DHRSX: variants seen among roughly 807,000 people sequenced by gnomAD.
The protein encoded by DHRSX is polyprenol dehydrogenase.
In DHRSX, 31 loss-of-function variants were observed where a neutral mutation model predicts 34.0. That is an observed-to-expected ratio of 0.91 (90% CI 0.69 to 1.23). The LOEUF is 1.23. Among genes scored for constraint, DHRSX ranks in the 50% most tolerant of loss-of-function variants. DHRSX has a pLI of 0.00. For missense variants in DHRSX, 414 were observed against 428.1 expected, an observed-to-expected ratio of 0.97 and a Z score of 0.29; for synonymous variants, 201 against 183.8, an observed-to-expected ratio of 1.09 and a Z score of -0.76.
intron 3 of DHRSX, 83 bp downstream of exon 3, chrX:2,408,662 G>T: frequency 8.0e-7 from 1 of 1,252,636 alleles, no homozygotes; most frequent in Non-Finnish European, 1.1e-6. Context: ...GCACGTGACT[G>T]AAGCTCAGCC....
At chrX:2,254,490 A>C (rs2041248630) in intron 5 of DHRSX, among the ~76,000 whole-genome samples, 1 of 152,174 alleles carries the variant, frequency 6.6e-6, no homozygotes, top group Admixed American at 6.5e-5. Flanking sequence ...TCATGTCTAA[A>C]TTGAATTTTC....
chrX:2,355,093 A>C (rs1475459621), intron 3 of DHRSX, among the ~76,000 whole-genome samples: 1 of 152,236 alleles, frequency 6.6e-6, no homozygotes, highest in Non-Finnish European at 1.5e-5. Flanking sequence ...TCTCAATTAT[A>C]GCAAGAAATA....
intron 5 of DHRSX, among the ~76,000 whole-genome samples, chrX:2,262,378 G>A (rs991575354): frequency 7.2e-5 from 11 of 151,924 alleles, no homozygotes; most frequent in Non-Finnish European, 1.5e-4. Context: ...CTGTGCACAC[G>A]AGCACTCACG....
At chrX:2,260,502 C>T (rs1280455792) in intron 5 of DHRSX, among the ~76,000 whole-genome samples, 3 of 151,492 alleles carry the variant, frequency 2.0e-5, no homozygotes, top group East Asian at 1.9e-4. Flanking sequence ...TCTTGTTGCC[C>T]AGGCTGGAGT....
At chrX:2,440,265 A>G (rs193146172) in intron 1 of DHRSX, among the ~76,000 whole-genome samples, 2 of 151,910 alleles carry the variant, frequency 1.3e-5, no homozygotes, top group African/African-American at 4.8e-5. Flanking sequence ...CAGTGGGGCA[A>G]TCATGGCTCA....
chrX:2,490,948 G>A (rs1184304264), intron 1 of DHRSX, among the ~76,000 whole-genome samples: 3 of 152,278 alleles, frequency 2.0e-5, no homozygotes, highest in East Asian at 1.9e-4. Context: ...GGAACCTAGC[G>A]CAGGAATACG....
chrX:2,391,692 G>A (rs745748045), intron 3 of DHRSX, among the ~76,000 whole-genome samples: 19 of 152,228 alleles, frequency 1.2e-4, no homozygotes, highest in Middle Eastern at 3.4e-3. Flanking sequence ...TTGGGAGGCC[G>A]AGGTGGGCAG....
chrX:2,407,023 C>A (rs1339346302), intron 3 of DHRSX, among the ~76,000 whole-genome samples: 1 of 152,050 alleles, frequency 6.6e-6, no homozygotes, highest in Non-Finnish European at 1.5e-5. Flanking sequence ...CCTAGGTGTC[C>A]AACAACACAC....
intron 1 of DHRSX, among the ~76,000 whole-genome samples, chrX:2,482,304 T>C (rs1274162512): frequency 6.6e-6 from 1 of 152,042 alleles, no homozygotes; most frequent in Non-Finnish European, 1.5e-5. Context: ...AATTTTTTTA[T>C]TGTTACTAGA....
At chrX:2,246,308 A>G (rs1272075034) in intron 5 of DHRSX, among the ~76,000 whole-genome samples, 1 of 152,090 alleles carries the variant, frequency 6.6e-6, no homozygotes, top group East Asian at 1.9e-4. Flanking sequence ...TCTTACCAAC[A>G]AAAGCTGTTC....
At chrX:2,472,826 A>T (rs1263059273) in intron 1 of DHRSX, among the ~76,000 whole-genome samples, 1 of 152,026 alleles carries the variant, frequency 6.6e-6, no homozygotes, top group Admixed American at 6.6e-5. Context: ...ATTTTACTGA[A>T]TTTTTTTTAA....
chrX:2,319,491 C>T (rs1244965660), intron 3 of DHRSX, among the ~76,000 whole-genome samples: 2 of 142,408 alleles, frequency 1.4e-5, no homozygotes, highest in African/African-American at 5.3e-5. Context: ...TGCAGTGAGC[C>T]GAGATCGTGC....
intron 6 of DHRSX, among the ~76,000 whole-genome samples, chrX:2,224,483 A>C (rs1438628359): frequency 2.6e-5 from 4 of 152,206 alleles, no homozygotes; most frequent in Non-Finnish European, 5.9e-5. Flanking sequence ...TGCTATGTTG[A>C]AAATGAGCTT....
chrX:2,360,502 G>C (rs942468825), intron 3 of DHRSX, among the ~76,000 whole-genome samples: 2 of 152,144 alleles, frequency 1.3e-5, no homozygotes, highest in Non-Finnish European at 2.9e-5. Flanking sequence ...AGAATCGCTT[G>C]AACCCGGGAG....
At chrX:2,261,109 C>T (rs1170491191) in intron 5 of DHRSX, among the ~76,000 whole-genome samples, 1 of 151,962 alleles carries the variant, frequency 6.6e-6, no homozygotes, top group Non-Finnish European at 1.5e-5. Flanking sequence ...ACTCGGGAGG[C>T]TGAGGTGGGA....
intron 5 of DHRSX, among the ~76,000 whole-genome samples, chrX:2,248,657 A>AGAAAAAGAAAGAAAAGAAAAG (rs2016361030): frequency 6.9e-6 from 1 of 145,238 alleles, no homozygotes; most frequent in Non-Finnish European, 1.5e-5. Context: ...AAGAAAGAAA[A>AGAAAAAGAAAGAAAAGAAAAG]GAAAAGGAAA....
In DHRSX at chrX:2,312,273, A is replaced by C. The variant is rs543514163; in HGVS notation, c.287-20670T>G. Among the ~76,000 whole-genome samples the C allele has an allele frequency of 3.9e-5, 6 of 152,274 alleles. No homozygotes were observed. The East Asian group carries it at 7.7e-4, about 20-fold the overall frequency. ...GAGAAGTTAATGAGCAACTTGATGA[A>C]GAAGAAAGTCACAGTAGCTTAAAAT... is the stretch of plus-strand genomic sequence containing the variant. On this transcript the variant is annotated intron_variant, in intron 3 of 6. Coordinates refer to ENST00000334651, the MANE Select transcript of DHRSX (RefSeq NM_145177.3).
chrX:2,475,494 G>T (rs61528824), intron 1 of DHRSX, among the ~76,000 whole-genome samples: 1 of 148,876 alleles, frequency 6.7e-6, no homozygotes, highest in Non-Finnish European at 1.5e-5. Context: ...CCTAACCATG[G>T]GGCCAACAGA....
intron 6 of DHRSX, among the ~76,000 whole-genome samples, chrX:2,240,224 C>T (rs369596201): frequency 1.3e-5 from 2 of 150,938 alleles, no homozygotes; most frequent in African/African-American, 2.4e-5. Context: ...ACCCAGGAGG[C>T]GGAGGTTGCA....
Sources: gnomAD v4.1 joint callset for allele counts (sites outside exome capture counted in the v4.1 genomes callset) on GRCh38, gnomAD v4.1.1 for gene constraint, MANE v1.5 for transcripts, NCBI Gene and HGNC (gene_info 2026-07-23, HGNC 2026-07-21) for gene names.